ADCY8: variants seen among roughly 807,000 people sequenced by gnomAD.
ADCY8 encodes adenylate cyclase 8, also known as adenylate cyclase type 8.
A neutral mutation model predicts 119.7 loss-of-function variants in ADCY8; 51 were observed. That is an observed-to-expected ratio of 0.43 (90% confidence interval 0.34 to 0.54). The LOEUF (loss-of-function observed/expected upper bound fraction) is 0.54, where lower values mean the gene tolerates loss of function less well. Ranked by LOEUF, ADCY8 falls within the 20% of genes least tolerant of loss-of-function variation. The pLI, the probability that ADCY8 is intolerant of heterozygous loss-of-function variation, is 0.03. For missense variants in ADCY8, 1,383 were observed against 1,598.8 expected, an observed-to-expected ratio of 0.87 and a Z score of 2.30; for synonymous variants, 665 against 651.0, an observed-to-expected ratio of 1.02 and a Z score of -0.33.
rs188334773 is a variant in ADCY8 at position 131,024,460 on chromosome 8, G to T, written c.960+14914C>A. On this transcript the variant is annotated intron_variant, in intron 1 of 17. Coordinates refer to ENST00000286355, the MANE Select transcript of ADCY8 (RefSeq NM_001115.3). ...CAGGCTACCTTATCTATTTCCTGGG[G>T]TCCATAGACAAGGAAGATGAATGTG... Among the ~76,000 whole-genome samples, 5 of 152,250 alleles carry T rather than the reference G, an allele frequency of 3.3e-5. No individual in the cohort carries two copies. The East Asian group carries it at 9.6e-4, about 29-fold the overall frequency.
At chr8:130,977,126 A>T (rs1482555549) in intron 2 of ADCY8, among the ~76,000 whole-genome samples, 1 of 152,136 alleles carries the variant, frequency 6.6e-6, no homozygotes, top group African/African-American at 2.4e-5. Flanking sequence ...ATCTCCTCAC[A>T]TTGCCTGGAG....
chr8:131,037,316 T>TC (rs1276446155), intron 1 of ADCY8, among the ~76,000 whole-genome samples: 6 of 152,168 alleles, frequency 3.9e-5, no homozygotes, highest in Admixed American at 3.9e-4. Flanking sequence ...GGAAGACATT[T>TC]GGGGGTTATT....
At chr8:130,790,048 C>A (rs1257487606) in intron 15 of ADCY8, among the ~76,000 whole-genome samples, 1 of 152,122 alleles carries the variant, frequency 6.6e-6, no homozygotes, top group Non-Finnish European at 1.5e-5. Flanking sequence ...ATATTCCAGG[C>A]ACTGAGGTAG....
intron 8 of ADCY8, among the ~76,000 whole-genome samples, chr8:130,879,698 C>A (rs74976130): frequency 0.012 from 1,863 of 152,046 alleles, 38 homozygotes; most frequent in African/African-American, 0.042. Flanking sequence ...TTTTTAAAAG[C>A]CTGAAATAGT....
intron 6 of ADCY8, among the ~76,000 whole-genome samples, chr8:130,904,520 C>T (rs1819717919): frequency 6.6e-6 from 1 of 152,214 alleles, no homozygotes; most frequent in African/African-American, 2.4e-5. Context: ...GTATTTGTAA[C>T]TTGTTTCTCC....
rs72712468 is a variant in ADCY8 at position 130,844,373 on chromosome 8, C to T, written c.2502+3051G>A. ...CTCTTTTTTAGCATCTGACAAGCTT[C>T]GAATTTAGAACCAAGTTATACTTTA... On this transcript the variant is annotated intron_variant, in intron 11 of 17. Coordinates refer to ENST00000286355, the MANE Select transcript of ADCY8 (RefSeq NM_001115.3). Among the ~76,000 whole-genome samples the T allele has an allele frequency of 6.0e-3, 914 of 152,200 alleles. 7 individuals carry two copies. The highest frequency in any genetic ancestry group is 0.027 in the South Asian group (132 of 4,816).
chr8:130,830,679 G>T (rs531050041), intron 12 of ADCY8, among the ~76,000 whole-genome samples: 22 of 152,132 alleles, frequency 1.4e-4, no homozygotes, highest in Non-Finnish European at 2.9e-4. Context: ...CACTGTCATT[G>T]CCTCTTCCAA....
chr8:130,961,163 G>A (rs898185287), intron 2 of ADCY8, among the ~76,000 whole-genome samples: 6 of 152,092 alleles, frequency 3.9e-5, no homozygotes, highest in Admixed American at 3.3e-4. Flanking sequence ...AGGCTGGAAT[G>A]CAGTGGCGAG....
intron 1 of ADCY8, among the ~76,000 whole-genome samples, chr8:131,029,719 C>T (rs1823937212): frequency 6.6e-6 from 1 of 152,162 alleles, no homozygotes; most frequent in Admixed American, 6.5e-5. Context: ...AGCAAAAACT[C>T]AGCTGCAGCT....
At chr8:130,810,913 C>G (rs1271845264) in intron 14 of ADCY8, among the ~76,000 whole-genome samples, 1 of 152,116 alleles carries the variant, frequency 6.6e-6, no homozygotes, top group African/African-American at 2.4e-5. Flanking sequence ...TCCACTGGTC[C>G]TATGTGCCTC....
chr8:130,861,839 G>A (rs1817940696), intron 9 of ADCY8, among the ~76,000 whole-genome samples: 1 of 151,482 alleles, frequency 6.6e-6, no homozygotes, highest in Non-Finnish European at 1.5e-5. Flanking sequence ...TTATCAAGTT[G>A]TAGAAGTTCC....
At chr8:130,807,190 C>A (rs1222418875) in intron 14 of ADCY8, among the ~76,000 whole-genome samples, 1 of 152,210 alleles carries the variant, frequency 6.6e-6, no homozygotes, top group Non-Finnish European at 1.5e-5. Flanking sequence ...GCCTGGGGAA[C>A]TATAGTCTGG....
At position 130,780,583 on chromosome 8, in the gene ADCY8, C is replaced by G; in HGVS notation, c.3563G>C (p.Gly1188Ala). 6.2e-7 allele frequency: 1 copy of G among 1,614,070 alleles called. No individual in the cohort carries two copies. The highest frequency in any genetic ancestry group is 8.5e-7 in the Non-Finnish European group (1 of 1,180,010). ...GACAACCGCGGCCAGGGAGTACTGC[C>G]CAGGCAGTCTTCTTGGGGGCAAGAT... ...PFILPPRRLPGQYSLAAVVLG... is the reference protein window; with the variant it reads ...PFILPPRRLPAQYSLAAVVLG... The change falls in exon 18 of 18, where the codon GGG becomes GCG. Residue 1188 changes from glycine to alanine, a missense_variant. Gly to Ala is a moderately conservative substitution (Grantham distance 60). Coordinates refer to ENST00000286355, the MANE Select transcript of ADCY8 (RefSeq NM_001115.3).
chr8:131,028,441 C>G (rs1431978052), intron 1 of ADCY8, among the ~76,000 whole-genome samples: 1 of 152,124 alleles, frequency 6.6e-6, no homozygotes, highest in Non-Finnish European at 1.5e-5. Flanking sequence ...AACTACCCGC[C>G]TCCAATAGGC....
At chr8:130,955,303 G>T (rs4736727) in intron 2 of ADCY8, among the ~76,000 whole-genome samples, 120,387 of 152,070 alleles carry the variant, frequency 0.79, 50,691 homozygotes, top group East Asian at 0.95. Flanking sequence ...CATTGTAGAT[G>T]AACAACTGAG....
rs190320362 is a variant in ADCY8 at position 130,840,228 on chromosome 8, G to A, written c.2503-3779C>T. Among the ~76,000 whole-genome samples the A allele has an allele frequency of 3.4e-4, 47 of 138,544 alleles. 10 individuals are homozygous for A. Among genetic ancestry groups the A allele is most frequent in the East Asian group, 1.6e-3 (7 of 4,366 alleles). 90.9% of individuals were successfully genotyped at this position (138,544 alleles called of 152,430 possible). A position where few individuals can be genotyped will look rare whatever the true frequency, so the allele number is the denominator to read the frequency against. On this transcript the variant is annotated intron_variant, in intron 11 of 17. Coordinates refer to ENST00000286355, the MANE Select transcript of ADCY8 (RefSeq NM_001115.3). ...ATGTTTAGTGAGCAATGACATAAAT[G>A]AGGCTGGGGTTCAGAAGGCAGATGG...
chr8:130,935,437 T>C (rs1563735311), intron 5 of ADCY8: 2 of 152,242 alleles, frequency 1.3e-5, no homozygotes, highest in Admixed American at 6.5e-5. Flanking sequence ...AAAAATATGA[T>C]GCTACCCAGA....
Position 130,847,541 on chromosome 8 carries a change from A to G in ADCY8, c.2413-28T>C, listed in dbSNP as rs778580494. The G allele has an allele frequency of 6.5e-6, 10 of 1,534,466 alleles. No homozygotes were observed. The East Asian group carries it at 6.7e-5, about 10-fold the overall frequency. ...GCGGATTAAAAAAAAAAAAAAAAGA[A>G]CAACAAAAACAAAAACAGGAACAAC... On this transcript the variant is annotated intron_variant, in intron 10 of 17. Transcript: ENST00000286355.
At chr8:130,824,841 G>C (rs1434727147) in intron 12 of ADCY8, among the ~76,000 whole-genome samples, 1 of 152,106 alleles carries the variant, frequency 6.6e-6, no homozygotes, top group Non-Finnish European at 1.5e-5. Flanking sequence ...AACAAAGCAA[G>C]GCCCTTCTGA....
Sources: allele counts gnomAD v4.1 joint callset (sites outside exome capture counted in the v4.1 genomes callset), GRCh38; gene constraint gnomAD v4.1.1; transcripts MANE v1.5; gene names NCBI Gene and HGNC (gene_info 2026-07-23, HGNC 2026-07-21).